Variants in SLC25A16 observed in about 807,000 individuals in gnomAD.
The protein encoded by SLC25A16 is mitochondrial coenzyme A transporter SLC25A16.
A neutral mutation model predicts 41.5 loss-of-function variants in SLC25A16; 39 were observed. The observed-to-expected ratio is 0.94, with a 90% CI of 0.73 to 1.23. The LOEUF is 1.23. Among genes scored for constraint, SLC25A16 ranks in the 50% most tolerant of loss-of-function variants. SLC25A16 has a pLI of 0.00. For synonymous variants in SLC25A16, 146 were observed against 147.8 expected (o/e 0.99, Z 0.09); for missense variants, 421 against 426.9 (o/e 0.99, Z 0.12).
chr10:68,522,614 G>T (rs1000536418), intron 1 of SLC25A16, among the ~76,000 whole-genome samples: 2 of 152,080 alleles, frequency 1.3e-5, no homozygotes, highest in African/African-American at 2.4e-5. Context: ...AGGAGATCAA[G>T]ACCATCCTTG....
Position 68,495,800 on chromosome 10 carries a change from A to G in SLC25A16, c.422-2230T>C, listed in dbSNP as rs10160151. On this transcript the variant is annotated intron_variant, in intron 4 of 8. Coordinates refer to ENST00000609923, the MANE Select transcript of SLC25A16 (RefSeq NM_152707.4). ...ATGTCTCAAAAAAAAAAAAAAAAAA[A>G]AGAGAAAAGAGTATAAACTGTAGAG... Among the ~76,000 whole-genome samples the G allele has an allele frequency of 3.4e-3, 512 of 150,820 alleles. 4 individuals are homozygous for G. The highest frequency in any genetic ancestry group is 0.012 in the African/African-American group (482 of 40,986).
intron 8 of SLC25A16, 134 bp from the exon 9 acceptor site, chr10:68,483,722 G>C: frequency 1.6e-6 from 1 of 639,612 alleles, no homozygotes; most frequent in East Asian, 2.9e-5. Context: ...GATTGCAGTG[G>C]CATGATCTTG....
In SLC25A16 at chr10:68,482,886, T is replaced by C. The variant is rs549503644; in HGVS notation, c.*546A>G. ...ACATGGCTACCTTTTAAATACAACA[T>C]TAATTTTATTTAAAAAATGAAGGAA... is the stretch of plus-strand genomic sequence containing the variant. On this transcript the variant is annotated 3_prime_UTR_variant, in exon 9 of 9. Transcript: ENST00000609923. 1.3e-5 allele frequency: 2 copies of C among 152,286 alleles called. No individual in the cohort carries two copies. Among genetic ancestry groups the C allele is most frequent in the African/African-American group, 4.8e-5 (2 of 41,568 alleles). The allele number at this position is 152,286 out of a possible 1,614,324, so 9.4% of individuals were successfully genotyped here. A position where few individuals can be genotyped will look rare whatever the true frequency, so the allele number is the denominator to read the frequency against.
At chr10:68,487,078 A>G (rs1409003837) in intron 8 of SLC25A16, 66 bp downstream of exon 8, 10 of 1,248,216 alleles carry the variant, frequency 8.0e-6, no homozygotes, top group Non-Finnish European at 1.2e-5. Flanking sequence ...CTAGAGTCCT[A>G]TCTCCTTACT....
In SLC25A16 at chr10:68,482,525, T is replaced by C. The variant is rs974811820; in HGVS notation, c.*907A>G. 23 of 152,588 alleles carry C rather than the reference T, an allele frequency of 1.5e-4. No individual in the cohort carries two copies. The highest frequency in any genetic ancestry group is 5.5e-4 in the African/African-American group (23 of 41,446). The allele number at this position is 152,588 out of a possible 1,614,324, so 9.5% of individuals were successfully genotyped here. On this transcript the variant is annotated 3_prime_UTR_variant, in exon 9 of 9. Transcript: ENST00000609923. ...ATCTATATTAATAAATATTTCACAG[T>C]CTACTTAAATATTCTACTATAGAGC...
At chr10:68,519,169 G>A (rs2053210330) in intron 1 of SLC25A16, among the ~76,000 whole-genome samples, 1 of 151,226 alleles carries the variant, frequency 6.6e-6, no homozygotes, top group Non-Finnish European at 1.5e-5. Flanking sequence ...TCTAGCCTGG[G>A]CAACAAGAAT....
chr10:68,498,394 A>G (rs1168401385), intron 4 of SLC25A16, among the ~76,000 whole-genome samples: 1 of 150,438 alleles, frequency 6.6e-6, no homozygotes, highest in Admixed American at 6.7e-5. Context: ...TTTTAAATAT[A>G]AAAGTATTTG....
chr10:68,513,610 C>G (rs1170901953), intron 2 of SLC25A16, among the ~76,000 whole-genome samples: 1 of 152,040 alleles, frequency 6.6e-6, no homozygotes, highest in Non-Finnish European at 1.5e-5. Context: ...AGCACAGTGC[C>G]CGCGCGTGGT....
At chr10:68,485,284 G>T (rs548323165) in intron 8 of SLC25A16, among the ~76,000 whole-genome samples, 1 of 152,232 alleles carries the variant, frequency 6.6e-6, no homozygotes, top group African/African-American at 2.4e-5. Flanking sequence ...TAGAGATGGG[G>T]TTTCACCATG....
chr10:68,518,143 C>T (rs1249997573), intron 1 of SLC25A16: 1 of 152,216 alleles, frequency 6.6e-6, no homozygotes, highest in Non-Finnish European at 1.5e-5. Context: ...CAAGTCCGGG[C>T]ACGGTGGCTC....
In SLC25A16 at chr10:68,525,356, A is replaced by T. The variant is rs538630636; in HGVS notation, c.130+1890T>A. Among the ~76,000 whole-genome samples the T allele has an allele frequency of 3.5e-4, 53 of 152,116 alleles. 1 individual carries two copies. Among genetic ancestry groups the T allele is most frequent in the African/African-American group, 1.2e-3 (51 of 41,522 alleles). On this transcript the variant is annotated intron_variant, in intron 1 of 8. Coordinates refer to ENST00000609923, the MANE Select transcript of SLC25A16 (RefSeq NM_152707.4). The stretch of plus-strand genomic sequence containing the variant: ...TCACCATGTTGGCCAGGCTGGTCTC[A>T]AACTCCTGACTTCAAGTGATCTGCC...
chr10:68,520,288 T>A (rs2053229155), intron 1 of SLC25A16, among the ~76,000 whole-genome samples: 1 of 152,048 alleles, frequency 6.6e-6, no homozygotes. Flanking sequence ...GCTTTCACAC[T>A]ACGATAGTCC....
intron 1 of SLC25A16, among the ~76,000 whole-genome samples, chr10:68,524,812 G>A (rs1157590864): frequency 1.3e-5 from 2 of 151,854 alleles, no homozygotes; most frequent in East Asian, 3.9e-4. Flanking sequence ...CGGATACGGA[G>A]GTTGCAGTGA....
intron 1 of SLC25A16, among the ~76,000 whole-genome samples, 177 bp downstream of exon 1, chr10:68,527,069 G>GC (rs1344578536): frequency 1.3e-5 from 2 of 152,288 alleles, no homozygotes; most frequent in African/African-American, 4.8e-5. Context: ...CCATAACCTA[G>GC]CTGTCATTAG....
chr10:68,484,210 T>C (rs1033802209), intron 8 of SLC25A16, among the ~76,000 whole-genome samples: 4 of 152,174 alleles, frequency 2.6e-5, no homozygotes, highest in Non-Finnish European at 5.9e-5. Flanking sequence ...TTTTAAAGGA[T>C]GTATATCCAG....
intron 2 of SLC25A16, among the ~76,000 whole-genome samples, chr10:68,510,440 G>A (rs2053041842): frequency 6.6e-6 from 1 of 152,088 alleles, no homozygotes; most frequent in African/African-American, 2.4e-5. Flanking sequence ...TACTCGGGAG[G>A]CTGAGGCAGG....
intron 1 of SLC25A16, among the ~76,000 whole-genome samples, chr10:68,523,423 G>C (rs981821420): frequency 6.6e-6 from 1 of 151,988 alleles, no homozygotes; most frequent in African/African-American, 2.4e-5. Flanking sequence ...TTTATACCAA[G>C]CAAGTCGGAG....
chr10:68,506,635 T>C lies in SLC25A16; in HGVS notation c.307A>G (p.Ile103Val), dbSNP rs781592075. Residue 103 changes from isoleucine (I) to valine (V), a missense_variant, in exon 3 of 9, where the codon ATC becomes GTC. Transcript: ENST00000609923. ...AACTGGATTGCACCATAGGGAAAGA[T>C]TCGAATCATCATTGCACCATTTCCT... ...YKGNGAMMIRIFPYGAIQFMA... is the reference protein window; with the variant it reads ...YKGNGAMMIRVFPYGAIQFMA... 1.2e-5 allele frequency: 19 copies of C among 1,605,570 alleles called. No homozygotes were observed. The East Asian group carries it at 3.6e-4, about 30-fold the overall frequency.
At chr10:68,507,134 G>A (rs1280621047) in intron 2 of SLC25A16, among the ~76,000 whole-genome samples, 13 of 146,400 alleles carry the variant, frequency 8.9e-5, no homozygotes, top group East Asian at 4.0e-4. Flanking sequence ...GTGCAGTGGC[G>A]CGATCTGGGC....
Sources: allele counts gnomAD v4.1 joint callset (sites outside exome capture counted in the v4.1 genomes callset), GRCh38; gene constraint gnomAD v4.1.1; transcripts MANE v1.5; gene names NCBI Gene and HGNC (gene_info 2026-07-23, HGNC 2026-07-21).